FAM83G: variants seen among roughly 807,000 people sequenced by gnomAD.
The protein encoded by FAM83G is scaffolding CK1 anchoring protein G.
FAM83G carries 38 observed loss-of-function variants against 61.5 expected under a neutral mutation model. The observed-to-expected ratio is 0.62, with a 90% CI of 0.48 to 0.81. The LOEUF is 0.81. Among genes scored for constraint, FAM83G ranks in the 30% least tolerant of loss-of-function variants. The pLI, the probability that FAM83G is intolerant of heterozygous loss-of-function variation, is 0.00. For missense variants in FAM83G, 989 were observed against 1,133.6 expected (o/e 0.87, Z 1.83); for synonymous variants, 470 against 476.1 (o/e 0.99, Z 0.17).
Position 18,971,368 on chromosome 17 carries a change from T to A in FAM83G, c.2463A>T (p.Lys821Asn). 1 of 1,538,666 alleles carries A rather than the reference T, an allele frequency of 6.5e-7. No homozygotes were observed. The highest frequency in any genetic ancestry group is 1.8e-5 in the African/African-American group (1 of 55,404). Residue 821 changes from lysine to asparagine, a missense_variant, in exon 6 of 6, where the codon AAA becomes AAT. Lys to Asn is a moderately conservative substitution (Grantham distance 94, BLOSUM62 0). Around this residue, in one of 3 missense-constraint regions of FAM83G, gnomAD observed 574 missense variants for 645.1 expected, o/e 0.89. Coordinates refer to ENST00000388995, the MANE Select transcript of FAM83G (RefSeq NM_001039999.3). The surrounding 1 kb of genome is among the most constrained non-coding windows in gnomAD (Gnocchi z 5.5). ...KRRAQAPRDR[K>N]DP ...AGGCTGGGACATGCTGCTAGGGGTC[T>A]TTGCGGTCCCGGGGGGCTTGAGCCC...
intron 3 of FAM83G, among the ~76,000 whole-genome samples, chr17:18,984,607 G>A (rs1054569875): frequency 6.6e-6 from 1 of 152,218 alleles, no homozygotes; most frequent in African/African-American, 2.4e-5. Flanking sequence ...GGGGCTGCTG[G>A]TATTTCCAGT....
rs2043803587 is a variant in FAM83G at position 19,003,867 on chromosome 17, G to A, written c.175C>T (p.Leu59Phe). The change falls in exon 2 of 6, where the codon CTC becomes TTC. Residue 59 changes from leucine (L) to phenylalanine (F), a missense_variant. Leu to Phe is a conservative substitution (Grantham distance 22). This residue lies in a region of FAM83G where 371 missense variants were observed against 404.5 expected (regional missense o/e 0.92). Coordinates refer to ENST00000388995, the MANE Select transcript of FAM83G (RefSeq NM_001039999.3). This position sits in a 1 kb window ranked among gnomAD's most constrained non-coding sequence, Gnocchi z 4.5. Reference protein sequence around the residue: ...VLKRENIRDFLSELELKRILE... With the variant: ...VLKRENIRDFFSELELKRILE... ...ATGCGCTTGAGCTCCAGCTCCGAGAGGAAGTCTCGGATGTTCTCCCGCTTG... is the reference window on the plus strand; with the variant it reads ...ATGCGCTTGAGCTCCAGCTCCGAGAAGAAGTCTCGGATGTTCTCCCGCTTG... The A allele has an allele frequency of 1.2e-6, 2 of 1,613,060 alleles. No individual in the cohort carries two copies. The highest frequency in any genetic ancestry group is 4.5e-5 in the East Asian group (2 of 44,850).
Position 18,970,571 on chromosome 17 carries a change from TCTGC to T in FAM83G, c.*784_*787del. ...CACATCACCACCAGCCACTCTCAGC[TCTGC>T]TAAAATCACACCCTTCAGGTGATCA... On this transcript the variant is annotated 3_prime_UTR_variant, in exon 6 of 6. Transcript: ENST00000388995. 1.6e-5 allele frequency: 3 copies of T among 189,408 alleles called. No homozygotes were observed. Among genetic ancestry groups the T allele is most frequent in the South Asian group, 1.1e-4 (1 of 9,334 alleles). The allele number at this position is 189,408 out of a possible 1,614,324, so 11.7% of individuals were successfully genotyped here. A position where few individuals can be genotyped will look rare whatever the true frequency, so the allele number is the denominator to read the frequency against.
In FAM83G at chr17:18,968,795, G is replaced by C; in HGVS notation, c.*2564C>G. The stretch of plus-strand genomic sequence containing the variant: ...GATTCAATAACAACACTGCTTTTGG[G>C]AAAGGCATTGGCCACTTTGGACTTT... On this transcript the variant is annotated 3_prime_UTR_variant, in exon 6 of 6. Coordinates refer to ENST00000388995, the MANE Select transcript of FAM83G (RefSeq NM_001039999.3). The surrounding 1 kb of genome is among the most constrained non-coding windows in gnomAD (Gnocchi z 4.1). 2.0e-6 allele frequency: 1 copy of C among 502,142 alleles called. No individual in the cohort carries two copies. The highest frequency in any genetic ancestry group is 3.3e-5 in the East Asian group (1 of 30,228). 31.1% of individuals were successfully genotyped at this position (502,142 alleles called of 1,614,324 possible).
intron 2 of FAM83G, among the ~76,000 whole-genome samples, chr17:18,991,548 G>A (rs368140918): frequency 6.3e-4 from 96 of 152,286 alleles, no homozygotes; most frequent in African/African-American, 2.3e-3. Flanking sequence ...TCTACCTGCT[G>A]TTATGTCAGG....
In FAM83G at chr17:18,977,958, C is replaced by A. The variant is rs377259741; in HGVS notation, c.1708G>T (p.Val570Leu). Residue 570 changes from valine (V) to leucine (L), a missense_variant, in exon 5 of 6, where the codon GTG becomes TTG. Physicochemically the swap from Val to Leu is conservative, Grantham distance 32. This residue lies in a region of FAM83G where 574 missense variants were observed against 645.1 expected (regional missense o/e 0.89). Transcript: ENST00000388995. ...CCATCCAGCCCATTGGGGAGCCCCACCCCGAGGCTCTCGGGGTCATCCTGG... is the reference window on the plus strand; with the variant it reads ...CCATCCAGCCCATTGGGGAGCCCCAACCCGAGGCTCTCGGGGTCATCCTGG... ...VTQDDPESLG[V>L]GLPNGLDGVE... 39 of 1,599,540 alleles carry A rather than the reference C, an allele frequency of 2.4e-5. No individual in the cohort carries two copies. In the East Asian group the frequency reaches 7.2e-4, roughly 29 times the overall value.
intron 3 of FAM83G, among the ~76,000 whole-genome samples, chr17:18,982,454 C>T (rs1457314163): frequency 1.3e-5 from 2 of 152,206 alleles, no homozygotes; most frequent in East Asian, 1.9e-4. Flanking sequence ...GGGACACCCC[C>T]GGCACAGGAC....
At chr17:18,984,158 C>T (rs572980148) in intron 3 of FAM83G, among the ~76,000 whole-genome samples, 65 of 151,982 alleles carry the variant, frequency 4.3e-4, no homozygotes, top group African/African-American at 1.4e-3. Context: ...CTGGCTAACA[C>T]GGTGAAACCC....
rs1052704609 is a variant in FAM83G, at chr17:18,971,254, T to C, written c.*105A>G. ...ACGTCTCCCGCCCATCCCACCTTCC[T>C]GCCGTCCCAGTGGGCTCTGGTAGGC... On this transcript the variant is annotated 3_prime_UTR_variant, in exon 6 of 6. Transcript: ENST00000388995. This position sits in a 1 kb window ranked among gnomAD's most constrained non-coding sequence, Gnocchi z 5.5. The C allele has an allele frequency of 6.8e-6, 11 of 1,612,206 alleles. No homozygotes were observed. The highest frequency in any genetic ancestry group is 9.3e-6 in the Non-Finnish European group (11 of 1,178,896).
At chr17:19,002,547 C>A (rs1171263999) in intron 2 of FAM83G, among the ~76,000 whole-genome samples, 1 of 152,264 alleles carries the variant, frequency 6.6e-6, no homozygotes, top group East Asian at 1.9e-4. Flanking sequence ...CAGCTAGGAA[C>A]ACCTCATCCC....
At chr17:19,002,086 G>T (rs990606811) in intron 2 of FAM83G, among the ~76,000 whole-genome samples, 1 of 152,096 alleles carries the variant, frequency 6.6e-6, no homozygotes, top group Non-Finnish European at 1.5e-5. Context: ...GGGTCTCTCA[G>T]TCTGCAAACT....
At position 19,003,497 on chromosome 17, in the gene FAM83G, CAG is replaced by C; in HGVS notation, c.522+21_522+22del. Reference sequence around the variant, plus strand: ...CCGGTGGCTGGTTGGGCCATGGCTCCAGGAGTCCCCGCGCTGCCTCACCTTCT... The same window carrying C: ...CCGGTGGCTGGTTGGGCCATGGCTCCGAGTCCCCGCGCTGCCTCACCTTCT... On this transcript the variant is annotated intron_variant, in intron 2 of 5. Coordinates refer to ENST00000388995, the MANE Select transcript of FAM83G (RefSeq NM_001039999.3). This position sits in a 1 kb window ranked among gnomAD's most constrained non-coding sequence, Gnocchi z 4.5. 1 of 1,514,990 alleles carries C rather than the reference CAG, an allele frequency of 6.6e-7. No homozygotes were observed. Among genetic ancestry groups the C allele is most frequent in the African/African-American group, 1.4e-5 (1 of 71,802 alleles). 93.8% of individuals were successfully genotyped at this position (1,514,990 alleles called of 1,614,324 possible). A position where few individuals can be genotyped will look rare whatever the true frequency, so the allele number is the denominator to read the frequency against.
intron 2 of FAM83G, among the ~76,000 whole-genome samples, chr17:18,995,573 T>G (rs2043546189): frequency 1.3e-5 from 2 of 151,790 alleles, no homozygotes; most frequent in Admixed American, 6.6e-5. Context: ...AATAAATAAA[T>G]AAGAAAAAAA....
chr17:18,972,421 T>C (rs930591659), intron 5 of FAM83G, among the ~76,000 whole-genome samples: 7 of 152,146 alleles, frequency 4.6e-5, no homozygotes, highest in Admixed American at 3.3e-4. Context: ...GCTCCATTCA[T>C]AGGCCAGAGC....
At chr17:18,987,199 T>C (rs2043292132) in intron 3 of FAM83G, among the ~76,000 whole-genome samples, 1 of 152,208 alleles carries the variant, frequency 6.6e-6, no homozygotes, top group Non-Finnish European at 1.5e-5. Flanking sequence ...AATTTTGACC[T>C]GTCAGACACT....
Position 18,971,177 on chromosome 17 carries a change from G to T in FAM83G, c.*182C>A. The T allele has an allele frequency of 1.4e-5, 23 of 1,614,054 alleles. No homozygotes were observed. Among genetic ancestry groups the T allele is most frequent in the Non-Finnish European group, 1.9e-5 (23 of 1,180,034 alleles). On this transcript the variant is annotated 3_prime_UTR_variant, in exon 6 of 6. Transcript: ENST00000388995. This position sits in a 1 kb window ranked among gnomAD's most constrained non-coding sequence, Gnocchi z 5.5. ...CCTGCCGTGGACCGGGATGACCTTT[G>T]GCCTGACCATCATGGCCACCTGGTA...
At position 19,003,390 on chromosome 17, in the gene FAM83G, G is replaced by T; in HGVS notation, c.522+130C>A. ...GGAGGAAACCTCCACCCAAGAGGCAGCCAGGGAAAACAGCAGAGATCCCTA... is the reference window on the plus strand; with the variant it reads ...GGAGGAAACCTCCACCCAAGAGGCATCCAGGGAAAACAGCAGAGATCCCTA... On this transcript the variant is annotated intron_variant, in intron 2 of 5. Coordinates refer to ENST00000388995, the MANE Select transcript of FAM83G (RefSeq NM_001039999.3). The surrounding 1 kb of genome is among the most constrained non-coding windows in gnomAD (Gnocchi z 4.5). The T allele has an allele frequency of 2.0e-6, 2 of 1,016,530 alleles. No homozygotes were observed. Among genetic ancestry groups the T allele is most frequent in the Non-Finnish European group, 2.6e-6 (2 of 758,528 alleles). The allele number at this position is 1,016,530 out of a possible 1,614,324, so 63.0% of individuals were successfully genotyped here. A position where few individuals can be genotyped will look rare whatever the true frequency, so the allele number is the denominator to read the frequency against.
chr17:18,979,258 C>T, intron 4 of FAM83G: 2 of 486,852 alleles, frequency 4.1e-6, no homozygotes, highest in East Asian at 7.4e-5. Context: ...TGGCCCCATC[C>T]CTAAGGACGG....
chr17:18,974,168 G>A (rs1470491178), intron 5 of FAM83G, among the ~76,000 whole-genome samples: 1 of 152,036 alleles, frequency 6.6e-6, no homozygotes, highest in Non-Finnish European at 1.5e-5. Flanking sequence ...TGGGATTACA[G>A]GCATGAGCCA....
Sources: gnomAD v4.1 joint callset for allele counts (sites outside exome capture counted in the v4.1 genomes callset) on GRCh38, gnomAD v4.1.1 for gene constraint, gnomAD v4.1.1 regional missense constraint, Gnocchi (gnomAD v3.1) non-coding constraint, MANE v1.5 for transcripts, NCBI Gene and HGNC (gene_info 2026-07-23, HGNC 2026-07-21) for gene names.